Variants in TSPEAR observed in about 807,000 individuals in gnomAD.
TSPEAR encodes the protein thrombospondin type laminin G domain and EAR repeats, also known as thrombospondin-type laminin G domain and EAR repeat-containing protein.
In TSPEAR, 69 loss-of-function variants were observed where a neutral mutation model predicts 71.6. The observed-to-expected ratio is 0.96, with a 90% CI of 0.79 to 1.18. The LOEUF (loss-of-function observed/expected upper bound fraction) is 1.18. Ranked by LOEUF, TSPEAR falls within the 50% of genes most tolerant of loss-of-function variation. The probability of loss-of-function intolerance (pLI) is 0.00; values close to 1 mark genes in which losing one functional copy is unlikely to be tolerated. For synonymous variants in TSPEAR, 402 were observed against 387.2 expected (o/e 1.04, Z -0.45); for missense variants, 971 against 894.9 (o/e 1.09, Z -1.09).
At chr21:44,592,536 G>T in intron 1 of TSPEAR, 1 of 1,556,394 alleles carries the variant, frequency 6.4e-7, no homozygotes. Context: ...AGGTGCTGAG[G>T]CTCTCGGGCT....
intron 1 of TSPEAR, among the ~76,000 whole-genome samples, chr21:44,672,728 A>G (rs1172532736): frequency 3.9e-5 from 6 of 152,122 alleles, no homozygotes; most frequent in African/African-American, 1.4e-4. Context: ...GTTATCCTCA[A>G]TGCTGGAGAA....
chr21:44,503,598 G>T (rs376297220), intron 11 of TSPEAR, among the ~76,000 whole-genome samples: 2 of 142,122 alleles, frequency 1.4e-5, no homozygotes, highest in East Asian at 4.4e-4. Context: ...TGAGCCCTCA[G>T]GGGGAAGCAA....
At position 44,527,392 on chromosome 21, in the gene TSPEAR, G is replaced by A. The variant is rs1601366029; in HGVS notation, c.1049C>T (p.Thr350Ile). Reference protein sequence around the residue: ...LFVATANRKATSAVYKWTEEK... With the variant: ...LFVATANRKAISAVYKWTEEK... ...TTCGGTCCACTTGTAGACGGCGGAT[G>A]TGGCTTTGCGATTGGCTGTGGCCAC... Residue 350 changes from threonine (T) to isoleucine (I), a missense_variant, in exon 7 of 12, where the codon ACA (threonine) becomes ATA (isoleucine). Thr to Ile is a moderately conservative substitution (Grantham distance 89). Coordinates refer to ENST00000323084, the MANE Select transcript of TSPEAR (RefSeq NM_144991.3). 3.1e-6 allele frequency: 5 copies of A among 1,614,242 alleles called. No individual in the cohort carries two copies. Among genetic ancestry groups the A allele is most frequent in the East Asian group, 4.5e-5 (2 of 44,892 alleles).
intron 2 of TSPEAR, among the ~76,000 whole-genome samples, chr21:44,556,725 T>C (rs587669620): frequency 2.0e-5 from 3 of 152,226 alleles, no homozygotes; most frequent in African/African-American, 7.2e-5. Flanking sequence ...GGATTCCAGT[T>C]CTGGAAACCT....
At chr21:44,683,714 C>G (rs144773491) in intron 1 of TSPEAR, among the ~76,000 whole-genome samples, 58 of 150,500 alleles carry the variant, frequency 3.9e-4, no homozygotes, top group Admixed American at 2.4e-3. Context: ...AAATTTAATT[C>G]ACTGTTAAAA....
intron 1 of TSPEAR, among the ~76,000 whole-genome samples, chr21:44,588,732 A>G (rs1296929378): frequency 1.3e-5 from 1 of 77,442 alleles, no homozygotes; most frequent in East Asian, 3.1e-4. Context: ...GTGTGTGTAT[A>G]TATGTATATA....
chr21:44,559,674 T>A (rs782488854), intron 2 of TSPEAR, among the ~76,000 whole-genome samples: 3 of 152,216 alleles, frequency 2.0e-5, no homozygotes, highest in Non-Finnish European at 4.4e-5. Flanking sequence ...CAGAGCCTTG[T>A]CTCACAAATA....
chr21:44,612,851 C>A lies in TSPEAR; in HGVS notation c.83-44846G>T, dbSNP rs116506540. 2.5e-6 allele frequency: 4 copies of A among 1,612,428 alleles called. No homozygotes were observed. In the South Asian group the frequency reaches 4.4e-5, roughly 18 times the overall value. On this transcript the variant is annotated intron_variant, in intron 1 of 11. Coordinates refer to ENST00000323084, the MANE Select transcript of TSPEAR (RefSeq NM_144991.3). The surrounding 1 kb of genome is among the most constrained non-coding windows in gnomAD (Gnocchi z 4.1). ...GGCCTCCTGCCTGTCCTTCCTCTGC[C>A]GCCCCGCGTGCTCCCGCCTGGCCTG...
intron 11 of TSPEAR, among the ~76,000 whole-genome samples, chr21:44,503,215 G>A (rs1307938784): frequency 3.6e-5 from 4 of 112,270 alleles, no homozygotes; most frequent in Admixed American, 1.9e-4. Context: ...GAAGCAAGGC[G>A]CTGGGAGGAG....
At chr21:44,610,005 C>T (rs1353455850) in intron 1 of TSPEAR, among the ~76,000 whole-genome samples, 1 of 152,028 alleles carries the variant, frequency 6.6e-6, no homozygotes, top group African/African-American at 2.4e-5. Flanking sequence ...AATTCTGAGA[C>T]AAACAGGAGA....
In TSPEAR at chr21:44,499,649, C is replaced by T; in HGVS notation, c.*134G>A. 1 of 946,132 alleles carries T rather than the reference C, an allele frequency of 1.1e-6. No individual in the cohort carries two copies. Among genetic ancestry groups the T allele is most frequent in the East Asian group, 3.0e-5 (1 of 33,112 alleles). The allele number at this position is 946,132 out of a possible 1,614,324, so 58.6% of individuals were successfully genotyped here. On this transcript the variant is annotated 3_prime_UTR_variant, in exon 12 of 12. Transcript: ENST00000323084. ...CCCGAACCAGGGCCGCAGATGGCCC[C>T]ACCTGCACCCTGCCTGATGCCCAGG...
intron 10 of TSPEAR, 195 bp downstream of exon 10, chr21:44,509,004 A>G: frequency 4.0e-6 from 6 of 1,505,236 alleles, no homozygotes; most frequent in Non-Finnish European, 5.4e-6. Context: ...TCAGGGCGGC[A>G]CTGACTTCCC....
intron 2 of TSPEAR, among the ~76,000 whole-genome samples, chr21:44,541,608 G>C (rs147806556): frequency 1.3e-5 from 2 of 152,322 alleles, no homozygotes; most frequent in African/African-American, 4.8e-5. Context: ...CCGAGAGCCT[G>C]ATCAGCTGAG....
intron 1 of TSPEAR, among the ~76,000 whole-genome samples, chr21:44,704,293 T>C (rs1337941190): frequency 7.3e-6 from 1 of 137,906 alleles, no homozygotes; most frequent in Non-Finnish European, 1.6e-5. Flanking sequence ...GAACACGGGG[T>C]GAGAGAAGCC....
intron 4 of TSPEAR, among the ~76,000 whole-genome samples, chr21:44,530,172 C>A (rs372044177): frequency 2.2e-4 from 34 of 151,330 alleles, no homozygotes; most frequent in East Asian, 1.2e-3. Flanking sequence ...GGAACTGAAC[C>A]ACAGAAGGGG....
intron 1 of TSPEAR, among the ~76,000 whole-genome samples, chr21:44,699,034 C>A (rs899956820): frequency 1.2e-4 from 19 of 152,056 alleles, no homozygotes; most frequent in African/African-American, 4.3e-4. Context: ...GACCTTGTCT[C>A]TAAAAATACA....
chr21:44,553,601 GA>G lies in TSPEAR; in HGVS notation c.303+14183del, dbSNP rs201099630. 7.9e-5 allele frequency among the ~76,000 whole-genome samples: 12 copies of G among 151,082 alleles called. No individual in the cohort carries two copies. In the East Asian group the frequency reaches 1.7e-3, roughly 22 times the overall value. On this transcript the variant is annotated intron_variant, in intron 2 of 11. Transcript: ENST00000323084. ...AACCTGAAAATTCAATTGCTAGGGA[GA>G]AAAAAAAATAAGATCAAAGTAATAA...
At chr21:44,697,849 C>T (rs1448778477) in intron 1 of TSPEAR, 1 of 1,604,108 alleles carries the variant, frequency 6.2e-7, no homozygotes, top group Non-Finnish European at 8.5e-7. Flanking sequence ...CCTGCTGTGT[C>T]CCCACCTCCT....
chr21:44,501,575 C>T (rs11702194), intron 11 of TSPEAR, among the ~76,000 whole-genome samples: 25,864 of 152,012 alleles, frequency 0.17, 2,710 homozygotes, highest in East Asian at 0.34. Context: ...CCAGCTTGGG[C>T]GACAAAGCGA....
Sources: allele counts gnomAD v4.1 joint callset (sites outside exome capture counted in the v4.1 genomes callset), GRCh38; gene constraint gnomAD v4.1.1; non-coding constraint Gnocchi (gnomAD v3.1); transcripts MANE v1.5; gene names NCBI Gene and HGNC (gene_info 2026-07-23, HGNC 2026-07-21).